The following PYROXD2 variants were observed in gnomAD, a reference collection of about 807,000 sequenced individuals.
PYROXD2 encodes the protein pyridine nucleotide-disulfide oxidoreductase domain-containing protein 2.
Under a neutral mutation model 71.1 loss-of-function variants are expected in PYROXD2, and 69 were observed. The observed-to-expected ratio is 0.97, with a 90% CI of 0.80 to 1.19. The LOEUF (loss-of-function observed/expected upper bound fraction) is 1.19. Among genes scored for constraint, PYROXD2 ranks in the 50% most tolerant of loss-of-function variants. The pLI, the probability that PYROXD2 is intolerant of heterozygous loss-of-function variation, is 0.00. For missense variants in PYROXD2, 745 were observed against 748.9 expected, an observed-to-expected ratio of 0.99 and a Z score of 0.06; for synonymous variants, 287 against 302.7, an observed-to-expected ratio of 0.95 and a Z score of 0.54.
At chr10:98,414,902 G>T in intron 1 of PYROXD2, 107 bp downstream of exon 1, 1 of 1,480,102 alleles carries the variant, frequency 6.8e-7, no homozygotes, top group Non-Finnish European at 9.1e-7. Flanking sequence ...GGTTATGCCA[G>T]AGGAGAGAGC....
intron 1 of PYROXD2, chr10:98,414,078 T>C (rs1051598719): frequency 1.3e-5 from 2 of 151,838 alleles, no homozygotes; most frequent in African/African-American, 4.9e-5. Flanking sequence ...TATACACATA[T>C]ATGTGTGTAT....
chr10:98,410,958 C>A lies in PYROXD2; in HGVS notation c.128G>T (p.Gly43Val). 1 of 1,563,530 alleles carries A rather than the reference C, an allele frequency of 6.4e-7. No homozygotes were observed. The highest frequency in any genetic ancestry group is 1.2e-5 in the South Asian group (1 of 84,780). Reference sequence around the variant, plus strand: ...ACTCACAGCCACCAGTCCGTTGTGTCCTGCAACAAAACGGGACAGGGAAGG... The same window carrying A: ...ACTCACAGCCACCAGTCCGTTGTGTACTGCAACAAAACGGGACAGGGAAGG... ...PEYDAVVIGA[G>V]HNGLVAAAYL... The change falls in exon 2 of 16, where the codon GGA becomes GTA. Residue 43 changes from glycine to valine, a missense_variant and splice_region_variant. Physicochemically the swap from Gly to Val is moderately radical, Grantham distance 109. Coordinates refer to ENST00000370575, the MANE Select transcript of PYROXD2 (RefSeq NM_032709.3).
Position 98,395,398 on chromosome 10 carries a change from A to G in PYROXD2, c.680T>C (p.Ile227Thr). 1 of 1,614,202 alleles carries G rather than the reference A, an allele frequency of 6.2e-7. No individual in the cohort carries two copies. Among genetic ancestry groups the G allele is most frequent in the Non-Finnish European group, 8.5e-7 (1 of 1,180,004 alleles). The change falls in exon 7 of 16, where the codon ATT becomes ACT. Residue 227 changes from isoleucine (I) to threonine (T), a missense_variant. Physicochemically the swap from Ile to Thr is moderately conservative, Grantham distance 89 (BLOSUM62 -1). Coordinates refer to ENST00000370575, the MANE Select transcript of PYROXD2 (RefSeq NM_032709.3). ...PRYYEVLTAP[I>T]TKVLDQWFES... ...GGCTGGGGAACCACTCACCTTGGTA[A>G]TGGGAGCTGTGAGGACCTCATAATA...
intron 4 of PYROXD2, among the ~76,000 whole-genome samples, chr10:98,400,560 T>C (rs1036487456): frequency 6.6e-6 from 1 of 151,422 alleles, no homozygotes; most frequent in African/African-American, 2.4e-5. Context: ...CCACACTACA[T>C]CACATCACAC....
intron 2 of PYROXD2, among the ~76,000 whole-genome samples, chr10:98,408,962 T>C (rs1045921288): frequency 1.3e-5 from 2 of 152,186 alleles, no homozygotes; most frequent in African/African-American, 4.8e-5. Context: ...ACAGAGCTGA[T>C]GAGTAGAGGT....
At chr10:98,410,017 G>A (rs1215284548) in intron 2 of PYROXD2, among the ~76,000 whole-genome samples, 1 of 152,052 alleles carries the variant, frequency 6.6e-6, no homozygotes, top group Non-Finnish European at 1.5e-5. Context: ...AGTAGAGGTT[G>A]CAGCGAGCCG....
intron 15 of PYROXD2, 101 bp from the exon 16 acceptor site, chr10:98,383,969 G>T: frequency 9.6e-7 from 1 of 1,038,940 alleles, no homozygotes; most frequent in Non-Finnish European, 1.5e-6. Flanking sequence ...GCAGAGTGGG[G>T]CTGGTTAGAG....
intron 2 of PYROXD2, 85 bp from the exon 3 acceptor site, chr10:98,408,082 C>T: frequency 7.4e-7 from 1 of 1,345,388 alleles, no homozygotes. Flanking sequence ...AGACTAAGGT[C>T]CTCACTATAG....
At chr10:98,396,934 C>T (rs368814070) in intron 6 of PYROXD2, among the ~76,000 whole-genome samples, 48 of 152,198 alleles carry the variant, frequency 3.2e-4, no homozygotes, top group African/African-American at 1.1e-3. Flanking sequence ...ATTTCCCTTT[C>T]CATCTCCCGA....
chr10:98,409,105 C>G (rs1472583794), intron 2 of PYROXD2, among the ~76,000 whole-genome samples: 1 of 152,226 alleles, frequency 6.6e-6, no homozygotes, highest in East Asian at 1.9e-4. Context: ...TGAGCTGCGT[C>G]ATTCTCCTAT....
chr10:98,390,749 C>T lies in PYROXD2; in HGVS notation c.1141G>A (p.Val381Ile), dbSNP rs138876424. The T allele has an allele frequency of 4.5e-5, 71 of 1,591,750 alleles. No homozygotes were observed. The highest frequency in any genetic ancestry group is 2.6e-4 in the Admixed American group (15 of 57,224). ...RSPVTKINVA[V>I]DRLPSFLAAP... Reference sequence around the variant, plus strand: ...GCCAGGAAGCTGGGCAGCCTGTCTACGGCCACTGAGGGACCAAAGAGGAGG... The same window carrying T: ...GCCAGGAAGCTGGGCAGCCTGTCTATGGCCACTGAGGGACCAAAGAGGAGG... The change falls in exon 12 of 16, where the codon GTA becomes ATA. Residue 381 changes from valine (V) to isoleucine (I), a missense_variant. Physicochemically the swap from Val to Ile is conservative, Grantham distance 29. Transcript: ENST00000370575.
chr10:98,412,804 AAGGCAG>A (rs1843833879), intron 1 of PYROXD2, among the ~76,000 whole-genome samples: 1 of 152,162 alleles, frequency 6.6e-6, no homozygotes, highest in Non-Finnish European at 1.5e-5. Flanking sequence ...GCAAGTCACC[AAGGCAG>A]CTGGTGACCT....
At position 98,415,068 on chromosome 10, in the gene PYROXD2, T is replaced by G. The variant is rs2136062900; in HGVS notation, c.68A>C (p.Asp23Ala). The change falls in exon 1 of 16, where the codon GAT (aspartate) becomes GCT (alanine). Residue 23 changes from aspartate to alanine, a missense_variant. Transcript: ENST00000370575. ...AASPFPAWRR[D>A]NTEARGGLKP... is the part of the protein sequence containing the mutation. ...CAGACCTCCCCTGGCTTCCGTGTTA[T>G]CTCGTCTCCACGCCGGGAAGGGAGA... is the stretch of plus-strand genomic sequence containing the variant. The G allele has an allele frequency of 6.2e-7, 1 of 1,613,868 alleles. No homozygotes were observed. The highest frequency in any genetic ancestry group is 8.5e-7 in the Non-Finnish European group (1 of 1,179,782).
intron 14 of PYROXD2, among the ~76,000 whole-genome samples, chr10:98,386,966 G>A (rs1267770994): frequency 6.6e-6 from 1 of 152,208 alleles, no homozygotes; most frequent in Non-Finnish European, 1.5e-5. Flanking sequence ...CCACAATCCT[G>A]GTGACCTTCT....
intron 11 of PYROXD2, 45 bp downstream of exon 11, chr10:98,390,965 A>C (rs764863970): frequency 1.9e-5 from 28 of 1,509,880 alleles, no homozygotes; most frequent in Non-Finnish European, 4.6e-6. Context: ...TTTCTCACTC[A>C]GATGGGTCAA....
At chr10:98,400,815 G>A (rs1843371375) in intron 4 of PYROXD2, among the ~76,000 whole-genome samples, 1 of 152,186 alleles carries the variant, frequency 6.6e-6, no homozygotes, top group African/African-American at 2.4e-5. Context: ...CACAGTTTGA[G>A]CATCACAGAG....
At chr10:98,384,195 C>T (rs1842678602) in intron 15 of PYROXD2, among the ~76,000 whole-genome samples, 2 of 151,720 alleles carry the variant, frequency 1.3e-5, no homozygotes, top group Admixed American at 6.6e-5. Context: ...ATGTGTAAGC[C>T]CAGACTCTTT....
At chr10:98,399,454 T>C (rs1843313567) in intron 5 of PYROXD2, among the ~76,000 whole-genome samples, 1 of 152,138 alleles carries the variant, frequency 6.6e-6, no homozygotes. Flanking sequence ...GCAGGGCCCT[T>C]ACGGAACTCA....
intron 11 of PYROXD2, 81 bp from the exon 12 acceptor site, chr10:98,390,835 C>T (rs895216362): frequency 4.0e-5 from 60 of 1,505,182 alleles, no homozygotes; most frequent in Admixed American, 1.3e-4. Flanking sequence ...CCCTCAGTGG[C>T]GGACGGGAGT....
Sources: allele counts gnomAD v4.1 joint callset (sites outside exome capture counted in the v4.1 genomes callset), GRCh38; gene constraint gnomAD v4.1.1; transcripts MANE v1.5; gene names NCBI Gene and HGNC (gene_info 2026-07-23, HGNC 2026-07-21).